SRGAP1: variants seen among roughly 807,000 people sequenced by gnomAD.
The protein encoded by SRGAP1 is SLIT-ROBO Rho GTPase-activating protein 1.
Under a neutral mutation model 121.9 loss-of-function variants are expected in SRGAP1, and 43 were observed. The observed-to-expected ratio is 0.35, with a 90% CI of 0.28 to 0.46. The LOEUF (loss-of-function observed/expected upper bound fraction) is 0.46, where lower values mean the gene tolerates loss of function less well. Among genes scored for constraint, SRGAP1 ranks in the 20% least tolerant of loss-of-function variants. The probability of loss-of-function intolerance (pLI) is 1.00; values close to 1 mark genes in which losing one functional copy is unlikely to be tolerated. For missense variants in SRGAP1, 1,102 were observed against 1,350.9 expected (o/e 0.82, Z 2.89); for synonymous variants, 447 against 485.4 (o/e 0.92, Z 1.04).
At chr12:63,878,675 C>T (rs549578892) in intron 1 of SRGAP1, 1 of 152,248 alleles carries the variant, frequency 6.6e-6, no homozygotes, top group Admixed American at 6.5e-5. Context: ...TGAGATTAAA[C>T]CATTACACCT....
chr12:63,954,228 T>G (rs985293304), intron 1 of SRGAP1, among the ~76,000 whole-genome samples: 5 of 152,238 alleles, frequency 3.3e-5, no homozygotes, highest in Non-Finnish European at 7.3e-5. Flanking sequence ...GAAGATGTCT[T>G]AAAGAGTCAA....
intron 1 of SRGAP1, among the ~76,000 whole-genome samples, chr12:63,918,022 C>G (rs1015533516): frequency 9.8e-5 from 15 of 152,296 alleles, no homozygotes; most frequent in Admixed American, 9.2e-4. Context: ...TAGCACATGG[C>G]CTTAGTCTGA....
intron 4 of SRGAP1, among the ~76,000 whole-genome samples, chr12:64,020,949 A>C (rs1403944597): frequency 2.9e-5 from 4 of 135,966 alleles, no homozygotes; most frequent in East Asian, 3.9e-4. Context: ...CTGTCTCACA[A>C]AAAAAAAAAA....
At chr12:63,847,998 AT>A (rs1898957002) in intron 1 of SRGAP1, among the ~76,000 whole-genome samples, 1 of 149,058 alleles carries the variant, frequency 6.7e-6, no homozygotes, top group Non-Finnish European at 1.5e-5. Flanking sequence ...TTATTCTTTA[AT>A]TTTTATTTTA....
chr12:63,954,105 A>T (rs960518001), intron 1 of SRGAP1, among the ~76,000 whole-genome samples: 3 of 152,194 alleles, frequency 2.0e-5, no homozygotes, highest in Admixed American at 1.3e-4. Flanking sequence ...TTGCAGAGAT[A>T]TTCTTTTCTG....
chr12:64,004,236 T>A lies in SRGAP1; in HGVS notation c.427-12714T>A, dbSNP rs868800407. The stretch of plus-strand genomic sequence containing the variant: ...ATTCAATAAACAAACATGGGGTAGG[T>A]CAGAAGGCACGCAGTCCCTCATGTC... On this transcript the variant is annotated intron_variant, in intron 3 of 21. Transcript: ENST00000355086. Among the ~76,000 whole-genome samples the A allele has an allele frequency of 5.5e-4, 83 of 152,286 alleles. 1 individual carries two copies. Among genetic ancestry groups the A allele is most frequent in the African/African-American group, 2.0e-3 (82 of 41,554 alleles).
chr12:64,007,282 G>A (rs1398387510), intron 3 of SRGAP1, among the ~76,000 whole-genome samples: 3 of 152,124 alleles, frequency 2.0e-5, no homozygotes, highest in Non-Finnish European at 4.4e-5. Context: ...TTTTCTAAGG[G>A]CAAGGGGATA....
At chr12:64,102,177 G>A (rs755341724) in intron 15 of SRGAP1, among the ~76,000 whole-genome samples, 8 of 152,068 alleles carry the variant, frequency 5.3e-5, no homozygotes, top group Non-Finnish European at 1.0e-4. Context: ...TATTTATTAG[G>A]TTGGTGCAAA....
At chr12:63,874,896 C>G (rs1899979594) in intron 1 of SRGAP1, among the ~76,000 whole-genome samples, 1 of 151,986 alleles carries the variant, frequency 6.6e-6, no homozygotes, top group South Asian at 2.1e-4. Flanking sequence ...GTCCTCTATC[C>G]TCTATCGTCT....
intron 6 of SRGAP1, among the ~76,000 whole-genome samples, chr12:64,055,238 G>C (rs1430712060): frequency 8.3e-5 from 12 of 143,850 alleles, no homozygotes; most frequent in East Asian, 2.0e-4. Context: ...AATCATGAGT[G>C]AACTCCCATT....
chr12:63,990,958 C>A (rs2033543026), intron 3 of SRGAP1, among the ~76,000 whole-genome samples: 1 of 152,162 alleles, frequency 6.6e-6, no homozygotes, highest in African/African-American at 2.4e-5. Context: ...TTCCTCCTTC[C>A]CAAATCCATT....
intron 1 of SRGAP1, among the ~76,000 whole-genome samples, chr12:63,958,659 A>G (rs1277054398): frequency 6.6e-6 from 1 of 152,166 alleles, no homozygotes; most frequent in Non-Finnish European, 1.5e-5. Context: ...TGGTTGGCCA[A>G]ATTGTGTTAC....
intron 2 of SRGAP1, among the ~76,000 whole-genome samples, chr12:63,989,442 T>A (rs1484134296): frequency 2.0e-5 from 3 of 152,234 alleles, no homozygotes; most frequent in Non-Finnish European, 2.9e-5. Flanking sequence ...CTCAAATTTA[T>A]GTTCCATGGA....
intron 1 of SRGAP1, among the ~76,000 whole-genome samples, chr12:63,863,115 A>G (rs1899510309): frequency 6.6e-6 from 1 of 152,194 alleles, no homozygotes; most frequent in Admixed American, 6.5e-5. Context: ...ATTGCTTGAT[A>G]ATGATGCGGC....
At chr12:63,905,840 A>G (rs2030178901) in intron 1 of SRGAP1, among the ~76,000 whole-genome samples, 1 of 152,238 alleles carries the variant, frequency 6.6e-6, no homozygotes, top group Non-Finnish European at 1.5e-5. Context: ...CTGAGTCATC[A>G]GGATGGTGTG....
chr12:64,029,013 T>C (rs752836253), intron 4 of SRGAP1, among the ~76,000 whole-genome samples: 3 of 152,196 alleles, frequency 2.0e-5, no homozygotes, highest in Admixed American at 6.5e-5. Context: ...TTATTCCCAG[T>C]TTAGAGGTGA....
At chr12:64,118,251 G>A (rs1592338193) in intron 18 of SRGAP1, among the ~76,000 whole-genome samples, 1 of 152,020 alleles carries the variant, frequency 6.6e-6, no homozygotes, top group Non-Finnish European at 1.5e-5. Flanking sequence ...CCTTGGCAAC[G>A]CTTATCTTTT....
chr12:63,958,142 ACATGG>A (rs1218655379), intron 1 of SRGAP1, among the ~76,000 whole-genome samples: 1 of 152,200 alleles, frequency 6.6e-6, no homozygotes, highest in East Asian at 1.9e-4. Flanking sequence ...ATTGTTACTG[ACATGG>A]CTGAGAACAT....
At chr12:64,045,492 G>T (rs2035111419) in intron 6 of SRGAP1, among the ~76,000 whole-genome samples, 2 of 151,330 alleles carry the variant, frequency 1.3e-5, no homozygotes, top group South Asian at 4.2e-4. Context: ...CTGGAGTTCA[G>T]TGGTACAATC....
Sources: allele counts gnomAD v4.1 joint callset (sites outside exome capture counted in the v4.1 genomes callset), GRCh38; gene constraint gnomAD v4.1.1; transcripts MANE v1.5; gene names NCBI Gene and HGNC (gene_info 2026-07-23, HGNC 2026-07-21).